The following CMSS1 variants were observed in gnomAD, a reference collection of about 807,000 sequenced individuals.
The protein encoded by CMSS1 is protein CMSS1.
CMSS1 carries 33 observed loss-of-function variants against 43.5 expected under a neutral mutation model. The observed-to-expected ratio is 0.76, with a 90% CI of 0.57 to 1.01. The LOEUF (loss-of-function observed/expected upper bound fraction) is 1.01, where lower values mean the gene tolerates loss of function less well. CMSS1 is among the 50% of genes least tolerant of loss of function. The pLI, the probability that CMSS1 is intolerant of heterozygous loss-of-function variation, is 0.00. For synonymous variants in CMSS1, 115 were observed against 117.2 expected, an observed-to-expected ratio of 0.98 and a Z score of 0.12; for missense variants, 313 against 326.4, an observed-to-expected ratio of 0.96 and a Z score of 0.32.
chr3:99,883,689 C>T (rs1705803657), intron 1 of CMSS1, among the ~76,000 whole-genome samples: 1 of 152,170 alleles, frequency 6.6e-6, no homozygotes, highest in African/African-American at 2.4e-5. Context: ...CACTTCTATA[C>T]TGGTTTTGTT....
intron 1 of CMSS1, among the ~76,000 whole-genome samples, chr3:100,022,351 G>A (rs1239107413): frequency 6.6e-6 from 1 of 152,150 alleles, no homozygotes; most frequent in Non-Finnish European, 1.5e-5. Context: ...GCTTCACCTG[G>A]CCTGTGCATT....
At chr3:100,019,299 G>A (rs2064761938) in intron 1 of CMSS1, among the ~76,000 whole-genome samples, 1 of 152,148 alleles carries the variant, frequency 6.6e-6, no homozygotes, top group Non-Finnish European at 1.5e-5. Context: ...GACTGAGGCT[G>A]CAGTAAGCTA....
intron 1 of CMSS1, among the ~76,000 whole-genome samples, chr3:100,122,789 A>T (rs1030868649): frequency 6.6e-6 from 1 of 152,242 alleles, no homozygotes; most frequent in African/African-American, 2.4e-5. Context: ...TCTTAAGTCC[A>T]GTCAGGGTGG....
At chr3:100,170,920 G>C (rs1289132120) in intron 6 of CMSS1, among the ~76,000 whole-genome samples, 2 of 152,166 alleles carry the variant, frequency 1.3e-5, no homozygotes, top group Admixed American at 6.5e-5. Flanking sequence ...TAAAAAATTT[G>C]TGAGTGACTT....
chr3:99,833,015 A>G, intron 1 of CMSS1: 1 of 538,408 alleles, frequency 1.9e-6, no homozygotes, highest in Non-Finnish European at 3.3e-6. Context: ...TGCATATTGC[A>G]AGAGAAATAC....
intron 1 of CMSS1, among the ~76,000 whole-genome samples, chr3:99,873,806 C>T (rs997856611): frequency 6.6e-6 from 1 of 152,158 alleles, no homozygotes; most frequent in Non-Finnish European, 1.5e-5. Context: ...TTACTATAGT[C>T]TCCATCACAG....
chr3:99,845,278 A>G (rs1371832528), intron 1 of CMSS1, among the ~76,000 whole-genome samples: 1 of 152,216 alleles, frequency 6.6e-6, no homozygotes, highest in Admixed American at 6.5e-5. Context: ...TTGCTTTTAA[A>G]TAGAAAAAAC....
chr3:99,977,539 C>T (rs1487720595), intron 1 of CMSS1, among the ~76,000 whole-genome samples: 1 of 151,908 alleles, frequency 6.6e-6, no homozygotes, highest in African/African-American at 2.4e-5. Flanking sequence ...GGAATGTAAG[C>T]AAGTAATTAC....
chr3:100,160,336 T>C (rs1428971840), intron 2 of CMSS1, 94 bp from the exon 3 acceptor site: 3 of 671,688 alleles, frequency 4.5e-6, no homozygotes, highest in East Asian at 5.6e-5. Context: ...CTCTGAAGAA[T>C]ACATGCATGG....
rs545990047 is a variant in CMSS1, at chr3:99,844,064, A to G, written c.64+26021A>G. ...GTGCCAAATTGGGAACTGCTGCTGT[A>G]CAGTATCGGTTGTTTACCCTCATGA... On this transcript the variant is annotated intron_variant, in intron 1 of 9. Coordinates refer to ENST00000421999, the MANE Select transcript of CMSS1 (RefSeq NM_032359.4). 2.0e-3 allele frequency among the ~76,000 whole-genome samples: 282 copies of G among 140,078 alleles called. 1 individual carries two copies. Among genetic ancestry groups the G allele is most frequent in the African/African-American group, 7.4e-3 (271 of 36,784 alleles). 91.9% of individuals were successfully genotyped at this position (140,078 alleles called of 152,430 possible).
chr3:99,933,967 CT>C (rs918677082), intron 1 of CMSS1, among the ~76,000 whole-genome samples: 1 of 152,204 alleles, frequency 6.6e-6, no homozygotes, highest in Non-Finnish European at 1.5e-5. Flanking sequence ...CTTCAGCTTT[CT>C]TACAGCTATT....
chr3:99,998,440 C>G (rs1463075109), intron 1 of CMSS1, among the ~76,000 whole-genome samples: 1 of 152,102 alleles, frequency 6.6e-6, no homozygotes, highest in Non-Finnish European at 1.5e-5. Flanking sequence ...TATACGTACT[C>G]AAAGAATGTA....
chr3:100,061,451 G>T (rs1318015826), intron 1 of CMSS1, among the ~76,000 whole-genome samples: 2 of 152,092 alleles, frequency 1.3e-5, no homozygotes, highest in Non-Finnish European at 2.9e-5. Context: ...ATTTTCCCAG[G>T]CCCTTGTTTT....
At chr3:100,026,233 C>T (rs1330181964) in intron 1 of CMSS1, among the ~76,000 whole-genome samples, 1 of 152,024 alleles carries the variant, frequency 6.6e-6, no homozygotes, top group Non-Finnish European at 1.5e-5. Context: ...GTCAAAAATG[C>T]CCTTCGTTTA....
chr3:100,086,188 T>G (rs957769400), intron 1 of CMSS1, among the ~76,000 whole-genome samples: 3 of 152,234 alleles, frequency 2.0e-5, no homozygotes, highest in African/African-American at 7.2e-5. Flanking sequence ...GTAGAGAGTC[T>G]TTGACCTGCC....
Position 100,178,314 on chromosome 3 carries a change from G to T in CMSS1, c.766G>T (p.Glu256Ter). ...RMMDIPEIRK[E>*]VFELLEMGVL... ...CTTTTCTCTCATTTAGATAAGAAAG[G>T]AGGTATTCGAACTTCTGGAAATGGG... is the stretch of plus-strand genomic sequence containing the variant. Residue 256 changes from glutamate (E) to a stop codon, truncating the protein, a stop_gained, in exon 10 of 10, where the codon GAG (glutamate) becomes TAG (stop). Transcript: ENST00000421999. LOFTEE classifies it high-confidence loss of function. The T allele has an allele frequency of 6.2e-7, 1 of 1,608,562 alleles. No homozygotes were observed. Among genetic ancestry groups the T allele is most frequent in the South Asian group, 1.1e-5 (1 of 90,828 alleles).
At chr3:99,890,496 T>A (rs924398777) in intron 1 of CMSS1, among the ~76,000 whole-genome samples, 10 of 152,116 alleles carry the variant, frequency 6.6e-5, no homozygotes, top group African/African-American at 2.2e-4. Context: ...ATTAGACACA[T>A]GTTAGACTTT....
chr3:100,091,239 T>C (rs1451217263), intron 1 of CMSS1, among the ~76,000 whole-genome samples: 1 of 147,100 alleles, frequency 6.8e-6, no homozygotes, highest in Non-Finnish European at 1.5e-5. Context: ...GAGCCGAGAT[T>C]GCGCCACTGC....
chr3:99,871,228 A>C (rs1944769906), intron 1 of CMSS1, among the ~76,000 whole-genome samples: 1 of 152,210 alleles, frequency 6.6e-6, no homozygotes, highest in Non-Finnish European at 1.5e-5. Flanking sequence ...GGTTGCTTTA[A>C]GTAGTGGCTG....
Sources: allele counts gnomAD v4.1 joint callset (sites outside exome capture counted in the v4.1 genomes callset), GRCh38; gene constraint gnomAD v4.1.1; transcripts MANE v1.5; gene names NCBI Gene and HGNC (gene_info 2026-07-23, HGNC 2026-07-21).